LRP1B: variants seen among roughly 807,000 people sequenced by gnomAD.
LRP1B encodes the protein LDL receptor related protein 1B.
LRP1B carries 217 observed loss-of-function variants against 556.6 expected under a neutral mutation model. The observed-to-expected ratio is 0.39, with a 90% CI of 0.35 to 0.44. LRP1B has a LOEUF of 0.44. Ranked by LOEUF, LRP1B falls within the 20% of genes least tolerant of loss-of-function variation. The pLI, the probability that LRP1B is intolerant of heterozygous loss-of-function variation, is 1.00. For missense variants in LRP1B, 5,053 were observed against 5,620.8 expected, an observed-to-expected ratio of 0.90 and a Z score of 3.23; for synonymous variants, 2,047 against 1,865.8, an observed-to-expected ratio of 1.10 and a Z score of -2.50.
At chr2:140,872,360 ATTTTTTTTTTTTTT>A (rs59469282) in intron 25 of LRP1B, among the ~76,000 whole-genome samples, 1 of 60,496 alleles carries the variant, frequency 1.7e-5, no homozygotes, top group Non-Finnish European at 3.0e-5. Flanking sequence ...GTGTCACCTG[ATTTTTTTTTTTTTT>A]TTTTTTTTTT....
intron 6 of LRP1B, among the ~76,000 whole-genome samples, chr2:141,196,265 T>C (rs1238580500): frequency 6.6e-6 from 1 of 152,038 alleles, no homozygotes; most frequent in South Asian, 2.1e-4. Flanking sequence ...CTCTTCCAAT[T>C]GTTTTGGCTA....
rs190670962 is a variant in LRP1B, at chr2:141,201,550, G to A, written c.851-12967C>T. 1.8e-4 allele frequency among the ~76,000 whole-genome samples: 28 copies of A among 151,648 alleles called. No individual in the cohort carries two copies. In the East Asian group the frequency reaches 5.1e-3, roughly 27 times the overall value. On this transcript the variant is annotated intron_variant, in intron 6 of 90. Coordinates refer to ENST00000389484, the MANE Select transcript of LRP1B (RefSeq NM_018557.3). Reference sequence around the variant, plus strand: ...CATATATTAGATTACTTTAGATTACGTTTTGATTTGTGTCCCTAAAAATAC... The same window carrying A: ...CATATATTAGATTACTTTAGATTACATTTTGATTTGTGTCCCTAAAAATAC...
chr2:140,461,789 G>C (rs934040458), intron 60 of LRP1B, among the ~76,000 whole-genome samples: 11 of 151,828 alleles, frequency 7.2e-5, no homozygotes, highest in Admixed American at 2.0e-4. Context: ...AGCTGTGATC[G>C]CGCCATTGCA....
intron 3 of LRP1B, among the ~76,000 whole-genome samples, chr2:141,470,269 C>G (rs1682411696): frequency 6.6e-6 from 1 of 152,124 alleles, no homozygotes. Context: ...TCAAAATGAA[C>G]AGTTCCCTTC....
At chr2:140,267,982 T>C (rs1682286501) in intron 86 of LRP1B, among the ~76,000 whole-genome samples, 1 of 151,752 alleles carries the variant, frequency 6.6e-6, no homozygotes. Context: ...CCATGAGAGA[T>C]TTTTATTCTG....
intron 67 of LRP1B, among the ~76,000 whole-genome samples, chr2:140,385,531 G>A (rs1683721500): frequency 6.6e-6 from 1 of 152,114 alleles, no homozygotes; most frequent in Non-Finnish European, 1.5e-5. Context: ...AGACTGAAAT[G>A]AAATGAATAC....
chr2:140,787,005 C>T (rs1573717721), intron 32 of LRP1B, among the ~76,000 whole-genome samples: 3 of 152,150 alleles, frequency 2.0e-5, no homozygotes, highest in Admixed American at 2.0e-4. Flanking sequence ...CTGATGTTAC[C>T]TACAATTATT....
chr2:140,451,450 C>T (rs971612215), intron 62 of LRP1B, among the ~76,000 whole-genome samples: 1 of 152,142 alleles, frequency 6.6e-6, no homozygotes, highest in African/African-American at 2.4e-5. Flanking sequence ...AATTTAATTG[C>T]ATTTTATTCA....
intron 7 of LRP1B, among the ~76,000 whole-genome samples, chr2:141,172,070 T>C (rs988750774): frequency 6.6e-6 from 1 of 152,126 alleles, no homozygotes; most frequent in African/African-American, 2.4e-5. Context: ...ACTTCGTGTT[T>C]AGATAAATGA....
chr2:142,110,530 T>C (rs976085945), intron 1 of LRP1B, among the ~76,000 whole-genome samples: 2 of 152,122 alleles, frequency 1.3e-5, no homozygotes, highest in Non-Finnish European at 2.9e-5. Context: ...TCAGTTCTAA[T>C]GTAGCAAAAA....
At chr2:140,433,388 G>C (rs1166846441) in intron 66 of LRP1B, among the ~76,000 whole-genome samples, 8 of 152,104 alleles carry the variant, frequency 5.3e-5, no homozygotes, top group Admixed American at 5.2e-4. Context: ...GTGAGCCACT[G>C]TGCCTGACAG....
intron 66 of LRP1B, among the ~76,000 whole-genome samples, chr2:140,434,228 C>T (rs1401622849): frequency 6.6e-6 from 1 of 152,046 alleles, no homozygotes; most frequent in African/African-American, 2.4e-5. Flanking sequence ...TGCCACCATG[C>T]CCAGCTAATT....
intron 1 of LRP1B, among the ~76,000 whole-genome samples, chr2:142,095,278 C>A (rs1254442504): frequency 6.6e-6 from 1 of 151,546 alleles, no homozygotes; most frequent in Non-Finnish European, 1.5e-5. Flanking sequence ...ACGGTATACT[C>A]TTTAGCACCT....
At chr2:141,769,506 G>A (rs1464947983) in intron 2 of LRP1B, among the ~76,000 whole-genome samples, 6 of 152,130 alleles carry the variant, frequency 3.9e-5, no homozygotes, top group Admixed American at 1.3e-4. Flanking sequence ...GTGTTGGTTC[G>A]AATCAGAGGA....
chr2:140,270,218 C>T (rs2104943532), intron 86 of LRP1B, 24 bp downstream of exon 86: 1 of 1,533,816 alleles, frequency 6.5e-7, no homozygotes, highest in Non-Finnish European at 9.0e-7. Context: ...TTATAAGATG[C>T]CCATGACTTG....
intron 7 of LRP1B, among the ~76,000 whole-genome samples, chr2:141,148,838 C>T (rs1343404028): frequency 1.3e-5 from 2 of 152,148 alleles, no homozygotes; most frequent in Non-Finnish European, 2.9e-5. Context: ...AATCCCAACA[C>T]TGTGGGAGGC....
chr2:140,336,552 A>G (rs1681112465), intron 77 of LRP1B, among the ~76,000 whole-genome samples: 1 of 151,986 alleles, frequency 6.6e-6, no homozygotes, highest in South Asian at 2.1e-4. Flanking sequence ...ATGTGAGAAA[A>G]ACTCAGATGC....
At chr2:141,661,024 G>A (rs891309761) in intron 2 of LRP1B, among the ~76,000 whole-genome samples, 1 of 152,146 alleles carries the variant, frequency 6.6e-6, no homozygotes, top group African/African-American at 2.4e-5. Flanking sequence ...GTGCAGGAGG[G>A]AACCAGGAAA....
At chr2:141,178,013 T>A (rs1878849) in intron 7 of LRP1B, among the ~76,000 whole-genome samples, 8,034 of 152,158 alleles carry the variant, frequency 0.053, 307 homozygotes, top group South Asian at 0.12. Context: ...AGAATATAAC[T>A]TTAAATATGG....
Sources: allele counts gnomAD v4.1 joint callset (sites outside exome capture counted in the v4.1 genomes callset), GRCh38; gene constraint gnomAD v4.1.1; transcripts MANE v1.5; gene names NCBI Gene and HGNC (gene_info 2026-07-23, HGNC 2026-07-21).